MX2: variants seen among roughly 807,000 people sequenced by gnomAD.
MX2 encodes the protein MX dynamin like GTPase 2.
A neutral mutation model predicts 74.0 loss-of-function variants in MX2; 51 were observed. That is an observed-to-expected ratio of 0.69 (90% confidence interval 0.55 to 0.87). MX2 has a LOEUF of 0.87. MX2 is among the 40% of genes least tolerant of loss of function. The pLI is 0.00. For missense variants in MX2, 832 were observed against 908.7 expected (o/e 0.92, Z 1.09); for synonymous variants, 369 against 339.3 (o/e 1.09, Z -0.96).
intron 1 of MX2, among the ~76,000 whole-genome samples, chr21:41,374,716 ACT>A (rs149428506): frequency 0.017 from 2,543 of 152,094 alleles, 65 homozygotes; most frequent in African/African-American, 0.057. Context: ...CGAGGGAGAA[ACT>A]CTGGACGCAT....
At chr21:41,386,493 A>G (rs2089579641) in intron 5 of MX2, among the ~76,000 whole-genome samples, 1 of 152,208 alleles carries the variant, frequency 6.6e-6, no homozygotes, top group Non-Finnish European at 1.5e-5. Flanking sequence ...CTGTTATGGC[A>G]GAGGGAAAAT....
At chr21:41,395,822 A>T (rs1239178033) in intron 7 of MX2, 37 bp downstream of exon 7, 1 of 1,605,818 alleles carries the variant, frequency 6.2e-7, no homozygotes, top group African/African-American at 1.3e-5. Context: ...ATTAGACTCC[A>T]TGAAAGCCAG....
At chr21:41,378,805 C>T (rs2089449074) in intron 3 of MX2, among the ~76,000 whole-genome samples, 1 of 152,150 alleles carries the variant, frequency 6.6e-6, no homozygotes, top group South Asian at 2.1e-4. Context: ...CTTCCAGAAC[C>T]CAAGAAGGAG....
chr21:41,401,561 A>T (rs183128338), intron 10 of MX2: 1 of 155,914 alleles, frequency 6.4e-6, no homozygotes, highest in East Asian at 1.9e-4. Context: ...ATTTTTGTAG[A>T]GACAGGATCT....
chr21:41,391,322 A>G (rs966288521), intron 6 of MX2, among the ~76,000 whole-genome samples: 1 of 152,220 alleles, frequency 6.6e-6, no homozygotes, highest in Admixed American at 6.5e-5. Flanking sequence ...CTACTTTTTA[A>G]TAGTCAGTTT....
intron 6 of MX2, 21 bp downstream of exon 6, chr21:41,390,724 G>A (rs1478047755): frequency 1.2e-6 from 2 of 1,612,182 alleles, no homozygotes. Flanking sequence ...AGAACCAAGT[G>A]GCCGGGTGCG....
intron 5 of MX2, among the ~76,000 whole-genome samples, chr21:41,387,640 T>G (rs2089598510): frequency 6.6e-6 from 1 of 152,180 alleles, no homozygotes; most frequent in Non-Finnish European, 1.5e-5. Context: ...TTGAAAACTC[T>G]CCCTGCTATG....
intron 5 of MX2, 34 bp from the exon 6 acceptor site, chr21:41,390,531 T>C (rs1194145470): frequency 2.4e-5 from 39 of 1,613,220 alleles, no homozygotes; most frequent in Non-Finnish European, 3.3e-5. Context: ...AAGTGAGACG[T>C]GTGCTCTTTC....
At chr21:41,391,389 C>CT (rs11405891) in intron 6 of MX2, among the ~76,000 whole-genome samples, 25,769 of 142,416 alleles carry the variant, frequency 0.18, 4,528 homozygotes, top group African/African-American at 0.46. Flanking sequence ...TAAATATTAG[C>CT]TTTTTTTTTT....
chr21:41,367,846 AC>A (rs1193473496), intron 1 of MX2, among the ~76,000 whole-genome samples: 2 of 151,902 alleles, frequency 1.3e-5, no homozygotes, highest in East Asian at 1.9e-4. Flanking sequence ...TGGATCCGTC[AC>A]CCCCGACCTG....
intron 1 of MX2, among the ~76,000 whole-genome samples, chr21:41,376,188 C>A (rs907566740): frequency 8.5e-5 from 13 of 152,140 alleles, no homozygotes; most frequent in South Asian, 2.1e-4. Flanking sequence ...GGTTCTCCTG[C>A]CTGGTGCTGA....
rs2089611850 is a variant in MX2 at position 41,388,466 on chromosome 21, C to T, written c.733-2099C>T. 6.6e-6 allele frequency among the ~76,000 whole-genome samples: 1 copy of T among 152,220 alleles called. No individual in the cohort carries two copies. The highest frequency in any genetic ancestry group is 2.4e-5 in the African/African-American group (1 of 41,458). ...TTCCTCGCGGGTTTCTGCTGCAAGG[C>T]TGCCCTACCTGGGCTGCCTTGCCTG... On this transcript the variant is annotated intron_variant, in intron 5 of 13. Coordinates refer to ENST00000330714, the MANE Select transcript of MX2 (RefSeq NM_002463.2). This position sits in a 1 kb window ranked among gnomAD's most constrained non-coding sequence, Gnocchi z 4.0.
chr21:41,363,477 T>G lies in MX2; in HGVS notation c.-72+1422T>G, dbSNP rs2089234769. ...AGAATGCAAGCTCCCCCAGAGATCT[T>G]TGTCTGCCTGACTCGATATGTATCT... On this transcript the variant is annotated intron_variant, in intron 1 of 13. Transcript: ENST00000330714. The surrounding 1 kb of genome is among the most constrained non-coding windows in gnomAD (Gnocchi z 4.2). 6.6e-6 allele frequency: 1 copy of G among 152,488 alleles called. No homozygotes were observed. Among genetic ancestry groups the G allele is most frequent in the Non-Finnish European group, 1.5e-5 (1 of 68,058 alleles). The allele number at this position is 152,488 out of a possible 1,614,324, so 9.4% of individuals were successfully genotyped here.
At chr21:41,406,187 G>A (rs765173670) in intron 12 of MX2, among the ~76,000 whole-genome samples, 3 of 151,254 alleles carry the variant, frequency 2.0e-5, no homozygotes, top group Non-Finnish European at 4.4e-5. Context: ...GAGGTTTCAC[G>A]ATGTTGGCCA....
In MX2 at chr21:41,406,875, A is replaced by G. The variant is rs1568952440; in HGVS notation, c.1782A>G (p.Glu594=). Residue 594 remains glutamate, a synonymous_variant, in exon 13 of 14, where the codon GAA becomes GAG. Transcript: ENST00000330714. ...GTGTTGTTCTGAAGAAAGTCCGAGA[A>G]GAGATTTTTAACCCTCTGGGGACGC... ...IYSVVLKKVR[E]EIFNPLGTPS... is the part of the protein sequence containing the mutation. The G allele has an allele frequency of 3.1e-6, 5 of 1,614,242 alleles. No homozygotes were observed. The South Asian group carries it at 5.5e-5, about 18-fold the overall frequency.
At chr21:41,376,394 A>C (rs920778388) in intron 1 of MX2, among the ~76,000 whole-genome samples, 4 of 152,052 alleles carry the variant, frequency 2.6e-5, no homozygotes, top group African/African-American at 7.2e-5. Flanking sequence ...CACACAAAAA[A>C]AACTAGCTGG....
chr21:41,402,028 G>A lies in MX2; in HGVS notation c.1473G>A (p.Glu491=). 6.2e-7 allele frequency: 1 copy of A among 1,614,148 alleles called. No individual in the cohort carries two copies. The highest frequency in any genetic ancestry group is 8.5e-7 in the Non-Finnish European group (1 of 1,180,034). ...ATGAAAAGCAGTATCGAGGCAAGGA[G>A]CTTCTGGGATTTGTCAACTACAAGA... ...EKYEKQYRGK[E]LLGFVNYKTF... The change falls in exon 11 of 14, where the codon GAG becomes GAA. Residue 491 remains glutamate (E), a synonymous_variant. Coordinates refer to ENST00000330714, the MANE Select transcript of MX2 (RefSeq NM_002463.2). This position sits in a 1 kb window ranked among gnomAD's most constrained non-coding sequence, Gnocchi z 4.5.
At chr21:41,406,593 CT>C in intron 12 of MX2, 150 bp from the exon 13 acceptor site, 1 of 857,344 alleles carries the variant, frequency 1.2e-6, no homozygotes, top group Non-Finnish European at 1.8e-6. Flanking sequence ...CGAAGTGGGA[CT>C]TTCTAAAAAT....
intron 12 of MX2, 128 bp from the exon 13 acceptor site, chr21:41,406,616 G>C: frequency 1.0e-6 from 1 of 990,840 alleles, no homozygotes; most frequent in Non-Finnish European, 1.5e-6. Flanking sequence ...ATCATTTCAA[G>C]TCTCAGGACT....
Sources: allele counts gnomAD v4.1 joint callset (sites outside exome capture counted in the v4.1 genomes callset), GRCh38; gene constraint gnomAD v4.1.1; non-coding constraint Gnocchi (gnomAD v3.1); transcripts MANE v1.5; gene names NCBI Gene and HGNC (gene_info 2026-07-23, HGNC 2026-07-21).